GARS1: variants seen among roughly 807,000 people sequenced by gnomAD.
The protein encoded by GARS1 is glycine--tRNA ligase.
In GARS1, 46 loss-of-function variants were observed where a neutral mutation model predicts 86.4. That is an observed-to-expected ratio of 0.53 (90% CI 0.42 to 0.68). The LOEUF is 0.68. GARS1 is among the 30% of genes least tolerant of loss of function. The pLI is 0.00. For synonymous variants in GARS1, 342 were observed against 329.8 expected (o/e 1.04, Z -0.40); for missense variants, 797 against 915.6 (o/e 0.87, Z 1.67).
chr7:30,619,427 A>G (rs1182618342), intron 10 of GARS1, among the ~76,000 whole-genome samples: 1 of 152,168 alleles, frequency 6.6e-6, no homozygotes, highest in Non-Finnish European at 1.5e-5. Flanking sequence ...AGTTAATGCC[A>G]CACCAATTCT....
intron 4 of GARS1, among the ~76,000 whole-genome samples, chr7:30,601,971 A>G (rs1791387444): frequency 6.6e-6 from 1 of 150,844 alleles, no homozygotes; most frequent in Non-Finnish European, 1.5e-5. Context: ...TTTAGTACAG[A>G]CGGGGTTTCA....
chr7:30,623,299 AG>A, intron 12 of GARS1, among the ~76,000 whole-genome samples: 1 of 152,170 alleles, frequency 6.6e-6, no homozygotes, highest in Non-Finnish European at 1.5e-5. Flanking sequence ...TAAGTACATA[AG>A]GATGTTAAAG....
intron 10 of GARS1, among the ~76,000 whole-genome samples, chr7:30,618,366 G>A (rs1384951164): frequency 6.6e-6 from 1 of 152,154 alleles, no homozygotes; most frequent in African/African-American, 2.4e-5. Flanking sequence ...GGGTGTGGTG[G>A]CTCATGCTTG....
In GARS1 at chr7:30,628,640, C is replaced by T; in HGVS notation, c.1780C>T (p.His594Tyr). Residue 594 changes from histidine to tyrosine, a missense_variant, in exon 14 of 17, where the codon CAT becomes TAT. His to Tyr is a moderately conservative substitution (Grantham distance 83). This residue lies in a region of GARS1 where 598 missense variants were observed against 738.7 expected (regional missense o/e 0.81). Transcript: ENST00000389266. ...GTATACGGTATTTGAACATACATTC[C>T]ATGTACGAGAAGGAGATGAACAGAG... ...IMYTVFEHTF[H>Y]VREGDEQRTF... The T allele has an allele frequency of 6.2e-7, 1 of 1,611,542 alleles. No homozygotes were observed. Among genetic ancestry groups the T allele is most frequent in the Non-Finnish European group, 8.5e-7 (1 of 1,177,814 alleles).
At position 30,612,100 on chromosome 7, in the gene GARS1, T is replaced by G; in HGVS notation, c.886T>G (p.Leu296Val). ...CTGACTTACTTAAATTTATAGGTAC[T>G]TGAGACCAGAAACTGCACAGGGGAT... is the stretch of plus-strand genomic sequence containing the variant. The part of the protein sequence containing the change: ...IGPGGNMPGY[L>V]RPETAQGIFL... The change falls in exon 8 of 17, where the codon TTG becomes GTG. Residue 296 changes from leucine to valine, a missense_variant. Leu to Val is a conservative substitution (Grantham distance 32). This residue lies in a region of GARS1 where 598 missense variants were observed against 738.7 expected (regional missense o/e 0.81). Transcript: ENST00000389266. The G allele has an allele frequency of 6.2e-7, 1 of 1,613,710 alleles. No individual in the cohort carries two copies. The highest frequency in any genetic ancestry group is 1.1e-5 in the South Asian group (1 of 91,068).
At chr7:30,626,196 G>C in intron 12 of GARS1, 38 bp from the exon 13 acceptor site, 1 of 1,365,036 alleles carries the variant, frequency 7.3e-7, no homozygotes, top group Non-Finnish European at 1.0e-6. Flanking sequence ...CAGGGTGCCT[G>C]TTTGAACTAA....
intron 10 of GARS1, among the ~76,000 whole-genome samples, chr7:30,620,492 C>T (rs773343170): frequency 3.3e-5 from 5 of 152,162 alleles, no homozygotes; most frequent in Non-Finnish European, 7.4e-5. Context: ...AATCACCTCC[C>T]AAAGGCACCT....
At position 30,603,081 on chromosome 7, in the gene GARS1, T is replaced by C; in HGVS notation, c.617T>C (p.Val206Ala). The C allele has an allele frequency of 6.2e-7, 1 of 1,613,880 alleles. No individual in the cohort carries two copies. Among genetic ancestry groups the C allele is most frequent in the South Asian group, 1.1e-5 (1 of 91,084 alleles). ...DKFADFMVKD[V>A]KNGECFRADH... ...TTTGCTGACTTCATGGTGAAAGACG[T>C]AAAAAATGGAGAATGTTTTCGTGCT... Residue 206 changes from valine (V) to alanine (A), a missense_variant, in exon 5 of 17, where the codon GTA (valine) becomes GCA (alanine). Physicochemically the swap from Val to Ala is moderately conservative, Grantham distance 64 (BLOSUM62 0). Around this residue, in one of 2 missense-constraint regions of GARS1, gnomAD observed 598 missense variants for 738.7 expected, o/e 0.81. Transcript: ENST00000389266.
intron 7 of GARS1, among the ~76,000 whole-genome samples, chr7:30,611,230 A>G (rs2077430346): frequency 1.3e-5 from 2 of 152,216 alleles, no homozygotes; most frequent in African/African-American, 4.8e-5. Flanking sequence ...ACTGCAGATA[A>G]TAAAATGATT....
intron 2 of GARS1, 38 bp downstream of exon 2, chr7:30,598,935 T>C (rs1791319479): frequency 2.0e-6 from 3 of 1,470,336 alleles, no homozygotes; most frequent in East Asian, 4.5e-5. Context: ...CATAAGTAGG[T>C]ATAGGATTGT....
At chr7:30,622,079 T>A (rs1783022850) in intron 11 of GARS1, 1 of 533,878 alleles carries the variant, frequency 1.9e-6, no homozygotes, top group African/African-American at 1.9e-5. Context: ...TTAGATAATA[T>A]CTCTTTTTTC....
chr7:30,602,051 C>T (rs1200623658), intron 4 of GARS1, among the ~76,000 whole-genome samples: 1 of 148,582 alleles, frequency 6.7e-6, no homozygotes. Flanking sequence ...CAAAGTAGGG[C>T]AGAATTTCAG....
At chr7:30,613,613 A>G (rs1782823104) in intron 8 of GARS1, among the ~76,000 whole-genome samples, 1 of 152,218 alleles carries the variant, frequency 6.6e-6, no homozygotes, top group African/African-American at 2.4e-5. Context: ...TAGGGAAACC[A>G]GCTTGGAACT....
intron 6 of GARS1, among the ~76,000 whole-genome samples, chr7:30,604,537 T>G (rs1304279851): frequency 6.6e-6 from 1 of 152,128 alleles, no homozygotes; most frequent in Non-Finnish European, 1.5e-5. Context: ...TTTAGCATGC[T>G]TTTTTTCTCT....
chr7:30,617,102 T>G lies in GARS1; in HGVS notation c.1195-12T>G. On this transcript the variant is annotated splice_polypyrimidine_tract_variant and intron_variant, in intron 9 of 16. Coordinates refer to ENST00000389266, the MANE Select transcript of GARS1 (RefSeq NM_002047.4). ...CTTTTCTTCCTCCATGCTTGCTTAT[T>G]GGTTGGTTTAGGGTGTGATTAATAA... 6.2e-7 allele frequency: 1 copy of G among 1,613,844 alleles called. No homozygotes were observed.
upstream of GARS1, chr7:30,594,819 C>T (rs542192277): frequency 2.4e-5 from 24 of 1,011,422 alleles, no homozygotes; most frequent in Non-Finnish European, 3.5e-5. Flanking sequence ...TGCGGCAGCA[C>T]GCGCGCCGCG....
intron 12 of GARS1, chr7:30,622,745 T>C (rs1783041601): frequency 1.5e-5 from 6 of 413,226 alleles, no homozygotes; most frequent in Non-Finnish European, 2.7e-5. Context: ...ATCTCTCAGG[T>C]CACTTCTCTC....
intron 13 of GARS1, 38 bp downstream of exon 13, chr7:30,626,357 C>T (rs777289915): frequency 8.0e-7 from 1 of 1,242,874 alleles, no homozygotes. Flanking sequence ...AGTCACTGCT[C>T]CTTAAAGCTT....
chr7:30,621,792 A>G (rs1242058794), intron 11 of GARS1: 4 of 494,630 alleles, frequency 8.1e-6, no homozygotes, highest in South Asian at 7.0e-5. Context: ...TCCAAAACGC[A>G]CTTCACACCT....
Sources: gnomAD v4.1 joint callset for allele counts (sites outside exome capture counted in the v4.1 genomes callset) on GRCh38, gnomAD v4.1.1 for gene constraint, gnomAD v4.1.1 regional missense constraint, MANE v1.5 for transcripts, NCBI Gene and HGNC (gene_info 2026-07-23, HGNC 2026-07-21) for gene names.